PBX1: variants seen among roughly 807,000 people sequenced by gnomAD.
PBX1 encodes the protein pre-B-cell leukemia transcription factor 1.
PBX1 carries 6 observed loss-of-function variants against 53.4 expected under a neutral mutation model. The ratio of observed to expected loss-of-function variants is 0.11; its 90% confidence interval spans 0.06 to 0.22. The LOEUF (loss-of-function observed/expected upper bound fraction) is 0.22, where lower values mean the gene tolerates loss of function less well. Among genes scored for constraint, PBX1 ranks in the 10% least tolerant of loss-of-function variants. The pLI is 1.00. For synonymous variants in PBX1, 204 were observed against 212.3 expected (o/e 0.96, Z 0.34); for missense variants, 251 against 551.4 (o/e 0.46, Z 5.46).
intron 2 of PBX1, chr1:164,680,797 A>T (rs1026784139): frequency 4.6e-5 from 7 of 152,220 alleles, no homozygotes; most frequent in African/African-American, 1.7e-4. Context: ...TCCTGCATTC[A>T]AATAGTTGAA....
At chr1:164,641,923 G>T (rs1267683424) in intron 2 of PBX1, 3 of 152,148 alleles carry the variant, frequency 2.0e-5, no homozygotes, top group Non-Finnish European at 4.4e-5. Context: ...TTAAGCTTTT[G>T]ATCCTCAGTA....
At chr1:164,738,050 T>C (rs1412822812) in intron 2 of PBX1, among the ~76,000 whole-genome samples, 1 of 152,162 alleles carries the variant, frequency 6.6e-6, no homozygotes, top group Non-Finnish European at 1.5e-5. Context: ...CTAAAAATAA[T>C]GCTTTGAGAT....
chr1:164,745,748 G>A (rs1665858206), intron 2 of PBX1, among the ~76,000 whole-genome samples: 1 of 152,332 alleles, frequency 6.6e-6, no homozygotes, highest in Non-Finnish European at 1.5e-5. Flanking sequence ...ACAGAGCTGA[G>A]AGCCCATCTG....
chr1:164,813,607 A>G (rs1479687157), intron 6 of PBX1: 3 of 152,218 alleles, frequency 2.0e-5, no homozygotes, highest in African/African-American at 7.2e-5. Context: ...TGGAAGAAGT[A>G]CAATTCTGTC....
At chr1:164,798,225 G>A (rs2102315319) in intron 3 of PBX1, among the ~76,000 whole-genome samples, 1 of 152,292 alleles carries the variant, frequency 6.6e-6, no homozygotes, top group South Asian at 2.1e-4. Flanking sequence ...ATCAGTAAAT[G>A]TCTACTATTG....
At chr1:164,707,541 C>T (rs1663510638) in intron 2 of PBX1, among the ~76,000 whole-genome samples, 1 of 151,704 alleles carries the variant, frequency 6.6e-6, no homozygotes, top group Non-Finnish European at 1.5e-5. Context: ...ACTCCAGCTA[C>T]ATAGTGAGAG....
At chr1:164,804,097 A>G (rs1431989118) in intron 4 of PBX1, among the ~76,000 whole-genome samples, 1 of 152,198 alleles carries the variant, frequency 6.6e-6, no homozygotes, top group African/African-American at 2.4e-5. Context: ...ACATGATCAT[A>G]TCTGTGGTTT....
rs1671574155 is a variant in PBX1 at position 164,846,479 on chromosome 1, A to G, written c.1201-105A>G. The G allele has an allele frequency of 1.8e-5, 16 of 913,036 alleles. No homozygotes were observed. The East Asian group carries it at 2.2e-4, about 12-fold the overall frequency. The allele number at this position is 913,036 out of a possible 1,614,324, so 56.6% of individuals were successfully genotyped here. ...CATTTGATGAGTGTCTCCATGTGCC[A>G]GGCACTATGCTAGGTCCTTTACACA... On this transcript the variant is annotated intron_variant, in intron 8 of 8. Transcript: ENST00000420696.
At chr1:164,670,296 C>T (rs1415802224) in intron 2 of PBX1, among the ~76,000 whole-genome samples, 2 of 152,190 alleles carry the variant, frequency 1.3e-5, no homozygotes, top group African/African-American at 4.8e-5. Flanking sequence ...GGGGAGGAAC[C>T]TGGAGGCCAG....
chr1:164,726,114 A>G (rs1478669601), intron 2 of PBX1, among the ~76,000 whole-genome samples: 1 of 152,240 alleles, frequency 6.6e-6, no homozygotes, highest in Non-Finnish European at 1.5e-5. Context: ...GTTTTTAACA[A>G]AATTAAAAAT....
chr1:164,774,030 G>A lies in PBX1; in HGVS notation c.266-18464G>A, dbSNP rs1219951033. 2.6e-5 allele frequency among the ~76,000 whole-genome samples: 4 copies of A among 152,140 alleles called. No individual in the cohort carries two copies. In the South Asian group the frequency reaches 6.2e-4, roughly 24 times the overall value. Reference sequence around the variant, plus strand: ...TATGAGTAAGAGAAAAGGATAGATGGCAAGATAGATGAGGAACTTCAGAGG... The same window carrying A: ...TATGAGTAAGAGAAAAGGATAGATGACAAGATAGATGAGGAACTTCAGAGG... On this transcript the variant is annotated intron_variant, in intron 2 of 8. Coordinates refer to ENST00000420696, the MANE Select transcript of PBX1 (RefSeq NM_002585.4).
chr1:164,687,204 C>A (rs1212996484), intron 2 of PBX1, among the ~76,000 whole-genome samples: 1 of 152,034 alleles, frequency 6.6e-6, no homozygotes, highest in East Asian at 1.9e-4. Context: ...GAGGCTGGAA[C>A]AAAAAGGGGT....
intron 2 of PBX1, among the ~76,000 whole-genome samples, chr1:164,604,636 A>G (rs1656429730): frequency 6.6e-6 from 1 of 152,226 alleles, no homozygotes; most frequent in African/African-American, 2.4e-5. Flanking sequence ...CGGCATTCAT[A>G]TGTAATAAAT....
intron 2 of PBX1, among the ~76,000 whole-genome samples, chr1:164,691,889 C>T (rs567093686): frequency 6.6e-6 from 1 of 152,194 alleles, no homozygotes; most frequent in African/African-American, 2.4e-5. Flanking sequence ...GGTGACTACA[C>T]AGTCAAAGCA....
At chr1:164,634,901 C>A (rs1361943211) in intron 2 of PBX1, among the ~76,000 whole-genome samples, 1 of 152,030 alleles carries the variant, frequency 6.6e-6, no homozygotes, top group African/African-American at 2.4e-5. Context: ...CTATGTAGAC[C>A]TGTCCATTGA....
chr1:164,821,022 G>T (rs916733015), intron 7 of PBX1, among the ~76,000 whole-genome samples: 1 of 152,166 alleles, frequency 6.6e-6, no homozygotes, highest in African/African-American at 2.4e-5. Context: ...ATATGGTCAG[G>T]CTTTGGTCAA....
chr1:164,660,860 T>A (rs1660448314), intron 2 of PBX1, among the ~76,000 whole-genome samples: 1 of 152,218 alleles, frequency 6.6e-6, no homozygotes, highest in Non-Finnish European at 1.5e-5. Context: ...GACTACTAAT[T>A]CTCTTTCTAG....
intron 2 of PBX1, among the ~76,000 whole-genome samples, chr1:164,703,611 A>G (rs1663258322): frequency 6.6e-6 from 1 of 152,160 alleles, no homozygotes; most frequent in Non-Finnish European, 1.5e-5. Context: ...CCAGGCGTAC[A>G]TGTGACAGCT....
rs527464798 is a variant in PBX1, at chr1:164,586,711, T to C, written c.265+23400T>C. Reference sequence around the variant, plus strand: ...CAAAGCAAGAGAAAGAAGTCACAGATTGGCAGGCATGTGGAGGGCTGATTT... The same window carrying C: ...CAAAGCAAGAGAAAGAAGTCACAGACTGGCAGGCATGTGGAGGGCTGATTT... On this transcript the variant is annotated intron_variant, in intron 2 of 8. Transcript: ENST00000420696. Among the ~76,000 whole-genome samples, 13 of 152,280 alleles carry C rather than the reference T, an allele frequency of 8.5e-5. No individual in the cohort carries two copies. The South Asian group carries it at 2.5e-3, about 29-fold the overall frequency.
Sources: allele counts gnomAD v4.1 joint callset (sites outside exome capture counted in the v4.1 genomes callset), GRCh38; gene constraint gnomAD v4.1.1; transcripts MANE v1.5; gene names NCBI Gene and HGNC (gene_info 2026-07-23, HGNC 2026-07-21).